Variants in ELAPOR2 observed in about 807,000 individuals in gnomAD.
ELAPOR2 encodes the protein endosome/lysosome-associated apoptosis and autophagy regulator family member 2.
A neutral mutation model predicts 120.7 loss-of-function variants in ELAPOR2; 89 were observed. The ratio of observed to expected loss-of-function variants is 0.74; its 90% CI spans 0.62 to 0.88. The LOEUF (loss-of-function observed/expected upper bound fraction) is 0.88, where lower values mean the gene tolerates loss of function less well. Among genes scored for constraint, ELAPOR2 ranks in the 40% least tolerant of loss-of-function variants. The pLI, the probability that ELAPOR2 is intolerant of heterozygous loss-of-function variation, is 0.00. For missense variants in ELAPOR2, 1,134 were observed against 1,251.6 expected (o/e 0.91, Z 1.42); for synonymous variants, 444 against 444.9 (o/e 1.00, Z 0.03).
chr7:86,892,459 C>T (rs1403650214), intron 20 of ELAPOR2, among the ~76,000 whole-genome samples: 1 of 152,022 alleles, frequency 6.6e-6, no homozygotes, highest in Non-Finnish European at 1.5e-5. Flanking sequence ...ATATTCAATT[C>T]CAGATACTTG....
chr7:86,909,554 G>C (rs1308875829), intron 16 of ELAPOR2, among the ~76,000 whole-genome samples: 1 of 152,004 alleles, frequency 6.6e-6, no homozygotes, highest in Non-Finnish European at 1.5e-5. Flanking sequence ...TAAAGTTCTA[G>C]AAAGTCTGAT....
At chr7:86,891,539 G>T in intron 21 of ELAPOR2, 185 bp downstream of exon 21, 1 of 486,434 alleles carries the variant, frequency 2.1e-6, no homozygotes, top group Non-Finnish European at 3.6e-6. Flanking sequence ...GACAACCAAC[G>T]AAAACAATGC....
At chr7:86,953,774 A>G (rs566844483) in intron 2 of ELAPOR2, among the ~76,000 whole-genome samples, 2 of 152,198 alleles carry the variant, frequency 1.3e-5, no homozygotes, top group Non-Finnish European at 2.9e-5. Context: ...GCAAACTCCA[A>G]AGTTTTTAAT....
Position 86,946,157 on chromosome 7 carries a change from T to TCACACACACACACACACA in ELAPOR2, c.507-1112_507-1111insTGTGTGTGTGTGTGTGTG, listed in dbSNP as rs1491424238. Among the ~76,000 whole-genome samples the TCACACACACACACACACA allele has an allele frequency of 3.4e-3, 378 of 110,570 alleles. 3 individuals are homozygous for TCACACACACACACACACA. Among genetic ancestry groups the TCACACACACACACACACA allele is most frequent in the African/African-American group, 0.015 (351 of 23,956 alleles). 72.5% of individuals were successfully genotyped at this position (110,570 alleles called of 152,430 possible). A position where few individuals can be genotyped will look rare whatever the true frequency, so the allele number is the denominator to read the frequency against. The stretch of plus-strand genomic sequence containing the variant: ...CAAATTAAAACAAAGGGATACCATT[T>TCACACACACACACACACA]CTCACACACACACACACACACACAC... On this transcript the variant is annotated intron_variant, in intron 3 of 21. Transcript: ENST00000450689.
chr7:86,964,241 CACTAAATTA>C (rs57715223), intron 2 of ELAPOR2, among the ~76,000 whole-genome samples: 28,168 of 151,868 alleles, frequency 0.19, 5,039 homozygotes, highest in African/African-American at 0.48. Context: ...ACCCCTAACT[CACTAAATTA>C]ACTAAATTAA....
intron 1 of ELAPOR2, among the ~76,000 whole-genome samples, chr7:87,010,215 A>G (rs967128327): frequency 6.6e-6 from 1 of 152,144 alleles, no homozygotes; most frequent in African/African-American, 2.4e-5. Flanking sequence ...AATTCTTAAT[A>G]CTCTCCACCC....
intron 5 of ELAPOR2, chr7:86,941,312 G>C (rs771600858): frequency 6.0e-5 from 32 of 531,322 alleles, no homozygotes; most frequent in Admixed American, 1.2e-4. Flanking sequence ...ACTCCAAAGA[G>C]ATGGTGCCTC....
At chr7:87,039,558 A>G (rs1794694778) in intron 1 of ELAPOR2, among the ~76,000 whole-genome samples, 2 of 152,244 alleles carry the variant, frequency 1.3e-5, no homozygotes, top group South Asian at 4.1e-4. Flanking sequence ...ATCATTCATC[A>G]TGACCAAGTG....
chr7:86,943,163 G>A (rs1309057435), intron 4 of ELAPOR2, among the ~76,000 whole-genome samples: 8 of 151,986 alleles, frequency 5.3e-5, no homozygotes, highest in South Asian at 2.1e-4. Flanking sequence ...AATGGTCAAC[G>A]TGTAGATAAA....
At chr7:86,971,530 G>A (rs927909291) in intron 1 of ELAPOR2, among the ~76,000 whole-genome samples, 4 of 152,060 alleles carry the variant, frequency 2.6e-5, no homozygotes, top group African/African-American at 9.7e-5. Flanking sequence ...TATTGTATAA[G>A]ACAGACTTCA....
At chr7:86,946,210 C>T (rs1791002709) in intron 3 of ELAPOR2, among the ~76,000 whole-genome samples, 1 of 148,698 alleles carries the variant, frequency 6.7e-6, no homozygotes, top group African/African-American at 2.5e-5. Context: ...CACTGGAAAG[C>T]CTAGGGCTAG....
intron 1 of ELAPOR2, among the ~76,000 whole-genome samples, chr7:86,974,580 A>AGTGTGTGTGTGTGTGTGTGT (rs35712048): frequency 3.6e-5 from 5 of 138,828 alleles, no homozygotes; most frequent in East Asian, 4.2e-4. Flanking sequence ...GAACCCCTGT[A>AGTGTGTGTGTGTGTGTGTGT]GTGTGTGTGT....
intron 1 of ELAPOR2, among the ~76,000 whole-genome samples, chr7:87,055,434 C>T (rs1454532607): frequency 6.6e-6 from 1 of 152,184 alleles, no homozygotes; most frequent in Non-Finnish European, 1.5e-5. Flanking sequence ...ATGATAGGCT[C>T]CTGCCTGCCT....
rs1244725984 is a variant in ELAPOR2, at chr7:86,891,752, A to T, written c.3002T>A (p.Leu1001Gln). Residue 1001 changes from leucine to glutamine, a missense_variant, in exon 21 of 22, where the codon CTA (leucine) becomes CAA (glutamine). Around this residue, in one of 3 missense-constraint regions of ELAPOR2, gnomAD observed 831 missense variants for 867.6 expected, o/e 0.96. Transcript: ENST00000450689. Reference protein sequence around the residue: ...EVVYSNKQSLLGKLKSLATKE... With the variant: ...EVVYSNKQSLQGKLKSLATKE... ...GGTTGCCAAAGATTTGAGTTTTCCTAGTAGTGACTGTTTATTGGAATATAC... is the reference window on the plus strand; with the variant it reads ...GGTTGCCAAAGATTTGAGTTTTCCTTGTAGTGACTGTTTATTGGAATATAC... 6.2e-7 allele frequency: 1 copy of T among 1,611,468 alleles called. No homozygotes were observed. Among genetic ancestry groups the T allele is most frequent in the South Asian group, 1.1e-5 (1 of 90,624 alleles).
intron 21 of ELAPOR2, among the ~76,000 whole-genome samples, chr7:86,882,883 C>T (rs1410665314): frequency 1.3e-5 from 2 of 152,064 alleles, no homozygotes; most frequent in African/African-American, 4.8e-5. Flanking sequence ...AGCTCTAAAC[C>T]CAAGAATCTT....
chr7:87,059,283 C>G, intron 1 of ELAPOR2, 42 bp downstream of exon 1: 28 of 1,245,576 alleles, frequency 2.2e-5, no homozygotes, highest in Non-Finnish European at 2.7e-5. Flanking sequence ...CTTCCGCGCC[C>G]TCCCCCAGCA....
At chr7:86,936,004 G>A (rs1052984608) in intron 8 of ELAPOR2, among the ~76,000 whole-genome samples, 4 of 151,944 alleles carry the variant, frequency 2.6e-5, no homozygotes, top group East Asian at 1.9e-4. Flanking sequence ...CCTATGTCAT[G>A]TCGATGGTAA....
At chr7:87,026,550 C>G (rs2116717997) in intron 1 of ELAPOR2, among the ~76,000 whole-genome samples, 1 of 151,916 alleles carries the variant, frequency 6.6e-6, no homozygotes, top group Middle Eastern at 3.4e-3. Flanking sequence ...TGGAAAACAT[C>G]CAAATTTTAT....
chr7:86,978,269 C>G (rs1792348163), intron 1 of ELAPOR2, among the ~76,000 whole-genome samples: 1 of 152,172 alleles, frequency 6.6e-6, no homozygotes, highest in South Asian at 2.1e-4. Flanking sequence ...GCCTCCGCAG[C>G]CATGTGGAAC....
Sources: gnomAD v4.1 joint callset for allele counts (sites outside exome capture counted in the v4.1 genomes callset) on GRCh38, gnomAD v4.1.1 for gene constraint, gnomAD v4.1.1 regional missense constraint, MANE v1.5 for transcripts, NCBI Gene and HGNC (gene_info 2026-07-23, HGNC 2026-07-21) for gene names.